HCRTR2: variants seen among roughly 807,000 people sequenced by gnomAD.
The protein encoded by HCRTR2 is orexin receptor type 2.
Under a neutral mutation model 49.0 loss-of-function variants are expected in HCRTR2, and 22 were observed. The ratio of observed to expected loss-of-function variants is 0.45; its 90% CI spans 0.32 to 0.64. The LOEUF is 0.64. Ranked by LOEUF, HCRTR2 falls within the 30% of genes least tolerant of loss-of-function variation. HCRTR2 has a pLI of 0.04. For missense variants in HCRTR2, 491 were observed against 559.4 expected, an observed-to-expected ratio of 0.88 and a Z score of 1.23; for synonymous variants, 236 against 205.3, an observed-to-expected ratio of 1.15 and a Z score of -1.28.
chr6:55,131,767 AC>A (rs1581787679), intron 1 of HCRTR2, among the ~76,000 whole-genome samples: 1 of 150,972 alleles, frequency 6.6e-6, no homozygotes, highest in East Asian at 1.9e-4. Flanking sequence ...TTGAAAAATA[AC>A]ATCTTATCCA....
chr6:55,150,541 TC>T (rs1435426217), intron 1 of HCRTR2, among the ~76,000 whole-genome samples: 1 of 152,034 alleles, frequency 6.6e-6, no homozygotes, highest in African/African-American at 2.4e-5. Context: ...ACTCTCTGCT[TC>T]TATGAGTTTG....
At chr6:55,187,051 T>A (rs970633582) in intron 1 of HCRTR2, among the ~76,000 whole-genome samples, 20 of 151,740 alleles carry the variant, frequency 1.3e-4, no homozygotes, top group African/African-American at 4.6e-4. Context: ...GCCTTCAAAC[T>A]CCTAAAATAT....
At chr6:55,111,678 G>T (rs1357922689) in intron 1 of HCRTR2, among the ~76,000 whole-genome samples, 2 of 151,900 alleles carry the variant, frequency 1.3e-5, no homozygotes, top group Non-Finnish European at 2.9e-5. Flanking sequence ...ACAAATAAAA[G>T]TCCAAAACCA....
chr6:55,143,398 C>T (rs1361309394), intron 1 of HCRTR2, among the ~76,000 whole-genome samples: 2 of 152,136 alleles, frequency 1.3e-5, no homozygotes, highest in East Asian at 3.9e-4. Flanking sequence ...TTGGGTCTTG[C>T]TATTGAAACT....
intron 1 of HCRTR2, among the ~76,000 whole-genome samples, chr6:55,236,581 T>C (rs1323266364): frequency 6.6e-6 from 1 of 152,122 alleles, no homozygotes. Context: ...TAAAAGACTT[T>C]GTGCACTTAC....
intron 1 of HCRTR2, among the ~76,000 whole-genome samples, chr6:55,175,690 C>G (rs1403708576): frequency 2.0e-5 from 3 of 152,112 alleles, no homozygotes; most frequent in South Asian, 2.1e-4. Context: ...TCCCCCTCCC[C>G]CTAAACAATT....
rs180909257 is a variant in HCRTR2, at chr6:55,128,556, A to T, written c.-378+22011A>T. Among the ~76,000 whole-genome samples the T allele has an allele frequency of 4.7e-4, 72 of 152,304 alleles. No homozygotes were observed. In the South Asian group the frequency reaches 7.4e-3, roughly 16 times the overall value. ...ACATTGAATCTTCCTATCCATGCTC[A>T]TGGGAATATTTTTCATTTGTTTAGG... is the stretch of plus-strand genomic sequence containing the variant. On this transcript the variant is annotated intron_variant, in intron 1 of 7. Coordinates refer to the HCRTR2 transcript ENST00000615358.
chr6:55,257,981 C>G (rs1462562200), intron 3 of HCRTR2, among the ~76,000 whole-genome samples: 1 of 151,840 alleles, frequency 6.6e-6, no homozygotes, highest in African/African-American at 2.4e-5. Context: ...TTTTATCTTT[C>G]TTATTAGATA....
At chr6:55,271,000 T>A (rs1266725635) in intron 4 of HCRTR2, among the ~76,000 whole-genome samples, 1 of 152,192 alleles carries the variant, frequency 6.6e-6, no homozygotes, top group Non-Finnish European at 1.5e-5. Context: ...TTCAATACAA[T>A]TCCTATGAAA....
chr6:55,208,516 G>A (rs997058953), intron 1 of HCRTR2, among the ~76,000 whole-genome samples: 5 of 151,122 alleles, frequency 3.3e-5, no homozygotes, highest in African/African-American at 9.7e-5. Flanking sequence ...AAAAAAAAAA[G>A]AATGAATTGC....
intron 3 of HCRTR2, among the ~76,000 whole-genome samples, chr6:55,257,088 T>C (rs956328689): frequency 3.3e-5 from 5 of 152,024 alleles, no homozygotes; most frequent in Admixed American, 2.0e-4. Context: ...AAAATCCACA[T>C]CATGGATACT....
intron 1 of HCRTR2, among the ~76,000 whole-genome samples, chr6:55,238,935 G>T (rs1395118608): frequency 6.6e-6 from 1 of 152,178 alleles, no homozygotes; most frequent in African/African-American, 2.4e-5. Context: ...TTGGTTGCTT[G>T]TGTATGTTAA....
intron 1 of HCRTR2, among the ~76,000 whole-genome samples, chr6:55,116,989 C>T (rs1581780033): frequency 6.6e-6 from 1 of 151,812 alleles, no homozygotes; most frequent in East Asian, 1.9e-4. Flanking sequence ...ACTCCATCTA[C>T]AGTTGTATAT....
intron 1 of HCRTR2, among the ~76,000 whole-genome samples, chr6:55,116,356 T>C (rs186276898): frequency 7.6e-4 from 115 of 151,818 alleles, no homozygotes; most frequent in African/African-American, 2.7e-3. Flanking sequence ...TACTTCGATG[T>C]ATTTAGATTT....
In HCRTR2 at chr6:55,221,681, T is replaced by C. The variant is rs560097438; in HGVS notation, c.224-26958T>C. On this transcript the variant is annotated intron_variant, in intron 1 of 6. Transcript: ENST00000370862. ...ACAAAAAATTAGCCGGGCGTGGTGGTGGGCGCCTGTAGTCCCAACTACTCA... is the reference window on the plus strand; with the variant it reads ...ACAAAAAATTAGCCGGGCGTGGTGGCGGGCGCCTGTAGTCCCAACTACTCA... Among the ~76,000 whole-genome samples the C allele has an allele frequency of 3.7e-3, 557 of 151,644 alleles. 3 individuals carry two copies. The highest frequency in any genetic ancestry group is 0.012 in the African/African-American group (482 of 41,348).
At chr6:55,219,693 A>G (rs866086654) in intron 1 of HCRTR2, among the ~76,000 whole-genome samples, 1 of 151,920 alleles carries the variant, frequency 6.6e-6, no homozygotes, top group East Asian at 1.9e-4. Context: ...AAAGAAAGGA[A>G]ATAATAAAAA....
At chr6:55,124,692 T>C (rs7741006) in intron 1 of HCRTR2, among the ~76,000 whole-genome samples, 152,230 of 152,268 alleles carry the variant, frequency 1, 76,096 homozygotes, top group Non-Finnish European at 1. Flanking sequence ...ATTGATCTGT[T>C]TAATATTGAC....
intron 1 of HCRTR2, among the ~76,000 whole-genome samples, chr6:55,204,146 T>G (rs1283810954): frequency 6.6e-6 from 1 of 152,052 alleles, no homozygotes; most frequent in Non-Finnish European, 1.5e-5. Context: ...CTAATCTGCT[T>G]ACCTATCCAG....
chr6:55,200,882 T>C (rs1765501441), intron 1 of HCRTR2, among the ~76,000 whole-genome samples: 1 of 152,196 alleles, frequency 6.6e-6, no homozygotes, highest in Admixed American at 6.5e-5. Context: ...CAATATTCAA[T>C]TATAGTTTAA....
Sources: allele counts gnomAD v4.1 joint callset (sites outside exome capture counted in the v4.1 genomes callset), GRCh38; gene constraint gnomAD v4.1.1; transcripts MANE v1.5; gene names NCBI Gene and HGNC (gene_info 2026-07-23, HGNC 2026-07-21).